Variants in HOOK1 observed in about 807,000 individuals in gnomAD.
HOOK1 encodes hook microtubule tethering protein 1.
In HOOK1, 60 loss-of-function variants were observed where a neutral mutation model predicts 112.8. The observed-to-expected ratio is 0.53, with a 90% CI of 0.43 to 0.66. HOOK1 has a LOEUF of 0.66. Ranked by LOEUF, HOOK1 falls within the 30% of genes least tolerant of loss-of-function variation. The probability of loss-of-function intolerance (pLI) is 0.00; values close to 1 mark genes in which losing one functional copy is unlikely to be tolerated. For synonymous variants in HOOK1, 294 were observed against 283.8 expected (o/e 1.04, Z -0.36); for missense variants, 770 against 856.0 (o/e 0.90, Z 1.25).
At chr1:59,822,464 C>T (rs2098386344) in intron 2 of HOOK1, among the ~76,000 whole-genome samples, 1 of 152,106 alleles carries the variant, frequency 6.6e-6, no homozygotes, top group Non-Finnish European at 1.5e-5. Flanking sequence ...AATTTGAAGT[C>T]ACAGGTACTG....
rs565720048 is a variant in HOOK1 at position 59,844,664 on chromosome 1, T to G, written c.788+1066T>G. Reference sequence around the variant, plus strand: ...CAGGATTATGATTTGGATTGTATAATTGATATCTTAACTATATAGAGAATT... The same window carrying G: ...CAGGATTATGATTTGGATTGTATAAGTGATATCTTAACTATATAGAGAATT... On this transcript the variant is annotated intron_variant, in intron 9 of 21. Coordinates refer to ENST00000371208, the MANE Select transcript of HOOK1 (RefSeq NM_015888.6). Among the ~76,000 whole-genome samples, 6 of 152,118 alleles carry G rather than the reference T, an allele frequency of 3.9e-5. No individual in the cohort carries two copies. The South Asian group carries it at 1.2e-3, about 32-fold the overall frequency.
intron 14 of HOOK1, among the ~76,000 whole-genome samples, chr1:59,859,334 ATACTT>A (rs2098412363): frequency 6.6e-6 from 1 of 152,142 alleles, no homozygotes; most frequent in Admixed American, 6.6e-5. Context: ...ATTTAAGTAT[ATACTT>A]TAAAGTTAGG....
chr1:59,860,145 C>T, intron 14 of HOOK1, 43 bp from the exon 15 acceptor site: 1 of 1,461,292 alleles, frequency 6.8e-7, no homozygotes, highest in Non-Finnish European at 9.2e-7. Context: ...TATAATGACT[C>T]ATATTTTTAA....
intron 15 of HOOK1, among the ~76,000 whole-genome samples, chr1:59,862,396 C>A (rs1218236069): frequency 6.6e-6 from 1 of 152,110 alleles, no homozygotes; most frequent in East Asian, 1.9e-4. Flanking sequence ...GGTGACCTTC[C>A]TCTTCCAATA....
chr1:59,846,109 T>C (rs907319210), intron 9 of HOOK1, among the ~76,000 whole-genome samples: 2 of 151,864 alleles, frequency 1.3e-5, no homozygotes, highest in Admixed American at 1.3e-4. Flanking sequence ...AGTGTATATG[T>C]TTATTTAAGT....
rs74989379 is a variant in HOOK1 at position 59,825,019 on chromosome 1, C to T, written c.149+3076C>T. 3.0e-3 allele frequency among the ~76,000 whole-genome samples: 461 copies of T among 152,310 alleles called. 2 individuals carry two copies. Among genetic ancestry groups the T allele is most frequent in the African/African-American group, 0.01 (436 of 41,570 alleles). On this transcript the variant is annotated intron_variant, in intron 2 of 21. Coordinates refer to ENST00000371208, the MANE Select transcript of HOOK1 (RefSeq NM_015888.6). ...CCAAAGCTTCTAGGAGACGATTCTCCTTTGCCTCTTCCAAATTCTGGTAGT... is the reference window on the plus strand; with the variant it reads ...CCAAAGCTTCTAGGAGACGATTCTCTTTTGCCTCTTCCAAATTCTGGTAGT...
In HOOK1 at chr1:59,860,216, A is replaced by C; in HGVS notation, c.1420A>C (p.Asn474His). The C allele has an allele frequency of 6.2e-7, 1 of 1,606,320 alleles. No homozygotes were observed. The highest frequency in any genetic ancestry group is 8.5e-7 in the Non-Finnish European group (1 of 1,176,440). Residue 474 changes from asparagine to histidine, a missense_variant, in exon 15 of 22, where the codon AAT becomes CAT. Transcript: ENST00000371208. ...GGTGTTTATTCGACTGCAACATGAA[A>C]ATAAGATGCTTCGCTTACAGCAAGA... Reference protein sequence around the residue: ...REVFIRLQHENKMLRLQQEGS... With the variant: ...REVFIRLQHEHKMLRLQQEGS...
chr1:59,863,495 T>C (rs957465516), intron 16 of HOOK1, among the ~76,000 whole-genome samples: 2 of 152,164 alleles, frequency 1.3e-5, no homozygotes, highest in African/African-American at 4.8e-5. Context: ...TAAGAGGATT[T>C]AAAAGAGATC....
chr1:59,872,748 CT>C, intron 21 of HOOK1, 46 bp from the exon 22 acceptor site: 4 of 1,281,250 alleles, frequency 3.1e-6, no homozygotes, highest in Middle Eastern at 2.9e-4. Flanking sequence ...ACTCGGCAAA[CT>C]CTGTTTAGTC....
At chr1:59,856,209 T>C (rs921309371) in intron 12 of HOOK1, among the ~76,000 whole-genome samples, 3 of 150,040 alleles carry the variant, frequency 2.0e-5, no homozygotes, top group African/African-American at 7.4e-5. Context: ...GCTCTTAAAG[T>C]ACTGGGATTC....
At chr1:59,871,640 T>G (rs891340389) in intron 21 of HOOK1, among the ~76,000 whole-genome samples, 1 of 152,202 alleles carries the variant, frequency 6.6e-6, no homozygotes, top group Admixed American at 6.5e-5. Context: ...TGTGTTTTAT[T>G]TTGTCATTGG....
rs1383076128 is a variant in HOOK1 at position 59,848,299 on chromosome 1, G to A, written c.930-16G>A. On this transcript the variant is annotated splice_polypyrimidine_tract_variant and intron_variant, in intron 10 of 21. Coordinates refer to ENST00000371208, the MANE Select transcript of HOOK1 (RefSeq NM_015888.6). ...ACTAGTTTTTGTACAGTAATGCTTA[G>A]TCTTTATGATTATAGGGCTACCTCT... 1.9e-6 allele frequency: 3 copies of A among 1,588,206 alleles called. No homozygotes were observed. Among genetic ancestry groups the A allele is most frequent in the Non-Finnish European group, 1.7e-6 (2 of 1,158,074 alleles).
intron 8 of HOOK1, among the ~76,000 whole-genome samples, chr1:59,842,976 A>T (rs1399805873): frequency 1.3e-5 from 2 of 152,032 alleles, no homozygotes; most frequent in Admixed American, 6.6e-5. Context: ...TATTTCTTGA[A>T]TATGTGATAT....
At chr1:59,846,527 TTTCCTTCCTTCCTTCCTTCCTTCC>T (rs56170541) in intron 9 of HOOK1, among the ~76,000 whole-genome samples, 1 of 87,238 alleles carries the variant, frequency 1.1e-5, no homozygotes, top group Non-Finnish European at 2.3e-5. Context: ...CTTCCTTCCT[TTTCCTTCCTTCCTTCCTTCCTTCC>T]TTCCTTCCTT....
intron 12 of HOOK1, among the ~76,000 whole-genome samples, chr1:59,857,949 G>A (rs536125989): frequency 3.3e-5 from 5 of 152,232 alleles, no homozygotes; most frequent in South Asian, 4.1e-4. Context: ...AGTCTCCAGC[G>A]TCTCTTACAC....
chr1:59,830,190 A>G lies in HOOK1; in HGVS notation c.222+1338A>G, dbSNP rs187997008. On this transcript the variant is annotated intron_variant, in intron 3 of 21. Transcript: ENST00000371208. ...CATTCTACAGTTGTTATATAAATAT[A>G]GATTTTGTTAAATTTGTTGATAGTG... Among the ~76,000 whole-genome samples, 65 of 152,178 alleles carry G rather than the reference A, an allele frequency of 4.3e-4. 2 individuals are homozygous for G. The highest frequency in any genetic ancestry group is 1.5e-3 in the African/African-American group (64 of 41,562).
Position 59,875,842 on chromosome 1 carries a change from A to ACAT in HOOK1, c.*2879_*2881dup, listed in dbSNP as rs1395171499. ...TCAAATGATTTAGTATAGATTAATG[A>ACAT]CATCTTTTTTAGAAATATTAAAGTG... On this transcript the variant is annotated 3_prime_UTR_variant, in exon 22 of 22. Coordinates refer to ENST00000371208, the MANE Select transcript of HOOK1 (RefSeq NM_015888.6). 6.6e-6 allele frequency: 1 copy of ACAT among 152,228 alleles called. No individual in the cohort carries two copies. Among genetic ancestry groups the ACAT allele is most frequent in the Non-Finnish European group, 1.5e-5 (1 of 68,016 alleles). The allele number at this position is 152,228 out of a possible 1,614,324, so 9.4% of individuals were successfully genotyped here. A position where few individuals can be genotyped will look rare whatever the true frequency, so the allele number is the denominator to read the frequency against.
chr1:59,836,884 A>G lies in HOOK1; in HGVS notation c.486A>G (p.Lys162=), dbSNP rs2098398080. The G allele has an allele frequency of 2.5e-6, 4 of 1,576,514 alleles. No individual in the cohort carries two copies. The East Asian group carries it at 6.7e-5, about 27-fold the overall frequency. ...VMTAIQELMS[K]EILSSPPNDA... ...TTTTAATTTCCTAGTTGATGAGTAA[A>G]GAAATATTGAGCTCTCCTCCAAATG... Residue 162 remains lysine (K), a synonymous_variant, in exon 7 of 22, where the codon AAA becomes AAG. Coordinates refer to ENST00000371208, the MANE Select transcript of HOOK1 (RefSeq NM_015888.6).
intron 5 of HOOK1, among the ~76,000 whole-genome samples, chr1:59,834,148 C>G (rs618716): frequency 0.94 from 143,108 of 152,274 alleles, 67,347 homozygotes; most frequent in African/African-American, 0.98. Context: ...GGCTTTAATC[C>G]GTTTCGGTGG....
Sources: allele counts gnomAD v4.1 joint callset (sites outside exome capture counted in the v4.1 genomes callset), GRCh38; gene constraint gnomAD v4.1.1; transcripts MANE v1.5; gene names NCBI Gene and HGNC (gene_info 2026-07-23, HGNC 2026-07-21).